The following GALK2 variants were observed in gnomAD, a reference collection of about 807,000 sequenced individuals.
GALK2 encodes galactokinase 2, also known as N-acetylgalactosamine kinase.
Under a neutral mutation model 52.4 loss-of-function variants are expected in GALK2, and 36 were observed. The ratio of observed to expected loss-of-function variants is 0.69; its 90% CI spans 0.53 to 0.91. The LOEUF (loss-of-function observed/expected upper bound fraction) is 0.91. GALK2 is among the 40% of genes least tolerant of loss of function. The pLI is 0.00. For synonymous variants in GALK2, 176 were observed against 199.1 expected (o/e 0.88, Z 0.98); for missense variants, 579 against 559.1 (o/e 1.04, Z -0.36).
chr15:49,332,711 TGGCA>T (rs1367664193), downstream of GALK2, among the ~76,000 whole-genome samples: 1 of 152,214 alleles, frequency 6.6e-6, no homozygotes, highest in East Asian at 1.9e-4. Flanking sequence ...TCCATGAAAT[TGGCA>T]GGAAGTAAAA....
chr15:49,227,597 G>T (rs75105781), intron 3 of GALK2, among the ~76,000 whole-genome samples: 1 of 151,404 alleles, frequency 6.6e-6, no homozygotes, highest in African/African-American at 2.4e-5. Context: ...ATCCTAGTTT[G>T]TATCTTTTAA....
rs368105145 is a variant in GALK2 at position 49,232,758 on chromosome 15, C to A, written c.267-3093C>A. ...ACTCTCAAGTTCAAAGTTCCACATA[C>A]CCCTAGATGCCTCCAGGCTCTTTGT... is the stretch of plus-strand genomic sequence containing the variant. On this transcript the variant is annotated intron_variant, in intron 3 of 9. Coordinates refer to ENST00000560031, the MANE Select transcript of GALK2 (RefSeq NM_002044.4). 2.6e-5 allele frequency among the ~76,000 whole-genome samples: 4 copies of A among 152,232 alleles called. No homozygotes were observed. In the East Asian group the frequency reaches 5.8e-4, roughly 22 times the overall value.
intron 7 of GALK2, among the ~76,000 whole-genome samples, chr15:49,285,639 C>T (rs753837315): frequency 1.3e-4 from 20 of 152,196 alleles, no homozygotes; most frequent in Admixed American, 3.9e-4. Context: ...ATAGACCTCT[C>T]AAACTGAGCA....
chr15:49,233,498 C>G (rs560469824), intron 3 of GALK2, among the ~76,000 whole-genome samples: 3 of 152,196 alleles, frequency 2.0e-5, no homozygotes, highest in African/African-American at 7.2e-5. Context: ...CAACTATCCT[C>G]CTCTTTTTCT....
chr15:49,338,319 C>T (rs2040117527), intron 3 of GALK2, among the ~76,000 whole-genome samples: 1 of 152,134 alleles, frequency 6.6e-6, no homozygotes, highest in African/African-American at 2.4e-5. Flanking sequence ...GAGGGCAGGC[C>T]TGGTGGTGAC....
intron 5 of GALK2, among the ~76,000 whole-genome samples, chr15:49,245,704 C>T (rs2091313599): frequency 6.6e-6 from 1 of 152,126 alleles, no homozygotes; most frequent in South Asian, 2.1e-4. Context: ...ATCAGATGTT[C>T]TGCACAAAAT....
rs1371962511 is a variant in GALK2, at chr15:49,283,613, C to T, written c.651C>T (p.Leu217=). The T allele has an allele frequency of 2.5e-5, 41 of 1,613,802 alleles. No homozygotes were observed. The East Asian group carries it at 9.1e-4, about 36-fold the overall frequency. The change falls in exon 7 of 10, where the codon CTC becomes CTT. Residue 217 remains leucine (L), a synonymous_variant. Transcript: ENST00000560031. ...FSPLRATDVK[L]PSGAVFVIAN... is the part of the protein sequence containing the mutation. ...CTCTGAGGGCAACCGATGTAAAACT[C>T]CCAAGTGGAGCAGTGTTTGTGATTG...
Position 49,181,021 on chromosome 15 carries a change from A to ATCCTTCCTTCCT in GALK2, c.53+10666_53+10677dup, listed in dbSNP as rs138715818. Among the ~76,000 whole-genome samples the ATCCTTCCTTCCT allele has an allele frequency of 6.4e-5, 8 of 124,946 alleles. No homozygotes were observed. In the East Asian group the frequency reaches 7.9e-4, roughly 12 times the overall value. 82.0% of individuals were successfully genotyped at this position (124,946 alleles called of 152,430 possible). ...CCTATTTTCCTCTTTTGCTAGACCA[A>ATCCTTCCTTCCT]TCCTTCCTTCCTTCCTTCCTTCCTT... On this transcript the variant is annotated intron_variant, in intron 1 of 9. Transcript: ENST00000560031.
chr15:49,201,112 A>G (rs781582585), intron 1 of GALK2, 50 bp from the exon 2 acceptor site: 2 of 951,012 alleles, frequency 2.1e-6, no homozygotes, highest in Non-Finnish European at 3.4e-6. Context: ...ATGTTATGTT[A>G]CGGATTTTCT....
rs761149976 is a variant in GALK2, at chr15:49,217,220, T to C, written c.173T>C (p.Val58Ala). The C allele has an allele frequency of 3.9e-5, 63 of 1,612,102 alleles. No homozygotes were observed. The highest frequency in any genetic ancestry group is 5.3e-5 in the Non-Finnish European group (62 of 1,178,292). ...CATATAGATTATTGTGGATATTCTG[T>C]TCTTCCTATGGCTGTAGAACAAGAT... is the stretch of plus-strand genomic sequence containing the variant. ...GEHIDYCGYS[V>A]LPMAVEQDVL... The change falls in exon 3 of 10, where the codon GTT (valine) becomes GCT (alanine). Residue 58 changes from valine (V) to alanine (A), a missense_variant. Transcript: ENST00000560031.
intron 5 of GALK2, among the ~76,000 whole-genome samples, chr15:49,258,720 G>A (rs1366413407): frequency 1.3e-5 from 2 of 150,812 alleles, no homozygotes; most frequent in Admixed American, 6.6e-5. Context: ...GAAGGGTTTA[G>A]AATTCTGGTC....
intron 3 of GALK2, among the ~76,000 whole-genome samples, chr15:49,234,664 T>C (rs1457201184): frequency 6.6e-6 from 1 of 152,072 alleles, no homozygotes; most frequent in African/African-American, 2.4e-5. Flanking sequence ...CCACCCCCCA[T>C]GATTCAGTTA....
Position 49,204,822 on chromosome 15 carries a change from G to A in GALK2, c.142+3572G>A, listed in dbSNP as rs150002369. On this transcript the variant is annotated intron_variant, in intron 2 of 9. Transcript: ENST00000560031. ...TCACCCAAGCAGCATACACTGCACT[G>A]TATTTGTAGTCTTCTATCCCGCGCT... Among the ~76,000 whole-genome samples, 485 of 152,230 alleles carry A rather than the reference G, an allele frequency of 3.2e-3. 1 individual carries two copies. The highest frequency in any genetic ancestry group is 5.6e-3 in the Non-Finnish European group (384 of 68,000).
At chr15:49,350,797 C>A (rs903137305) in intron 3 of GALK2, among the ~76,000 whole-genome samples, 1 of 152,098 alleles carries the variant, frequency 6.6e-6, no homozygotes, top group Admixed American at 6.6e-5. Context: ...TAACAGTGCT[C>A]TCTAAGATAT....
At chr15:49,164,321 T>C (rs1363120969) in intron 1 of GALK2, among the ~76,000 whole-genome samples, 1 of 149,608 alleles carries the variant, frequency 6.7e-6, no homozygotes, top group Non-Finnish European at 1.5e-5. Context: ...TGTCAGTCAC[T>C]GGAGAGCATT....
At chr15:49,286,673 T>A (rs2033395896) in intron 7 of GALK2, among the ~76,000 whole-genome samples, 1 of 152,216 alleles carries the variant, frequency 6.6e-6, no homozygotes, top group Non-Finnish European at 1.5e-5. Context: ...TAGTATTTGA[T>A]CAGTGCATAT....
At chr15:49,265,168 C>G (rs2092310632) in intron 5 of GALK2, among the ~76,000 whole-genome samples, 1 of 152,202 alleles carries the variant, frequency 6.6e-6, no homozygotes, top group South Asian at 2.1e-4. Flanking sequence ...GTGCCCTTCC[C>G]CCAGAGGTGG....
chr15:49,278,621 C>T (rs1567013206), intron 5 of GALK2, among the ~76,000 whole-genome samples: 1 of 152,018 alleles, frequency 6.6e-6, no homozygotes, highest in Non-Finnish European at 1.5e-5. Flanking sequence ...GTATTTTTCT[C>T]CTTATTATGG....
At chr15:49,200,094 A>G (rs780157877) in intron 1 of GALK2, among the ~76,000 whole-genome samples, 9 of 152,206 alleles carry the variant, frequency 5.9e-5, no homozygotes, top group Non-Finnish European at 1.0e-4. Context: ...CCCAGATACA[A>G]TATGATGTGG....
Sources: allele counts gnomAD v4.1 joint callset (sites outside exome capture counted in the v4.1 genomes callset), GRCh38; gene constraint gnomAD v4.1.1; transcripts MANE v1.5; gene names NCBI Gene and HGNC (gene_info 2026-07-23, HGNC 2026-07-21).